The following RASA3 variants were observed in gnomAD, a reference collection of about 807,000 sequenced individuals.
RASA3 encodes RAS p21 protein activator 3, also known as ras GTPase-activating protein 3.
A neutral mutation model predicts 110.0 loss-of-function variants in RASA3; 73 were observed. The ratio of observed to expected loss-of-function variants is 0.66; its 90% confidence interval spans 0.55 to 0.81. The LOEUF (loss-of-function observed/expected upper bound fraction) is 0.81, where lower values mean the gene tolerates loss of function less well. Among genes scored for constraint, RASA3 ranks in the 30% least tolerant of loss-of-function variants. The pLI is 0.00. For synonymous variants in RASA3, 500 were observed against 451.4 expected (o/e 1.11, Z -1.37); for missense variants, 976 against 1,113.2 (o/e 0.88, Z 1.75).
rs1051075679 is a variant in RASA3, at chr13:114,089,288, G to A, written c.56-15451C>T. ...GAGACGAGGGGAGACGAGGGGAGACGAGCGGGGAGGAGGGGGGGAGGAGGG... is the reference window on the plus strand; with the variant it reads ...GAGACGAGGGGAGACGAGGGGAGACAAGCGGGGAGGAGGGGGGGAGGAGGG... On this transcript the variant is annotated intron_variant, in intron 1 of 23. Coordinates refer to ENST00000334062, the MANE Select transcript of RASA3 (RefSeq NM_007368.4). 4.7e-4 allele frequency among the ~76,000 whole-genome samples: 69 copies of A among 146,276 alleles called. 1 individual carries two copies. Among genetic ancestry groups the A allele is most frequent in the East Asian group, 1.0e-3 (5 of 4,930 alleles).
At chr13:114,026,777 C>A (rs989737840) in intron 7 of RASA3, among the ~76,000 whole-genome samples, 8 of 152,348 alleles carry the variant, frequency 5.3e-5, no homozygotes, top group Non-Finnish European at 1.2e-4. Context: ...AAAGGCCCTG[C>A]ACACAGCTGT....
At position 114,000,813 on chromosome 13, in the gene RASA3, C is replaced by T. The variant is rs372994416; in HGVS notation, c.1849+13G>A. 6.3e-7 allele frequency: 1 copy of T among 1,580,760 alleles called. No individual in the cohort carries two copies. The highest frequency in any genetic ancestry group is 8.7e-7 in the Non-Finnish European group (1 of 1,149,844). ...CTCCAGCAAGAGCCAGGGAAAGCGA[C>T]CTTGCTCCTTACCTTTGCTTTTGTG... is the stretch of plus-strand genomic sequence containing the variant. On this transcript the variant is annotated intron_variant, in intron 19 of 23. Transcript: ENST00000334062.
Position 114,014,606 on chromosome 13 carries a change from T to C in RASA3, c.1405+603A>G, listed in dbSNP as rs939395709. Among the ~76,000 whole-genome samples, 6 of 151,940 alleles carry C rather than the reference T, an allele frequency of 3.9e-5. No homozygotes were observed. The highest frequency in any genetic ancestry group is 1.5e-5 in the Non-Finnish European group (1 of 67,958). ...TTGAGTATCGCAGGTGATGGGTGGG[T>C]GCAGGCACCCAGCTCCTCCCTGAGG... On this transcript the variant is annotated intron_variant, in intron 14 of 23. Transcript: ENST00000334062. The surrounding 1 kb of genome is among the most constrained non-coding windows in gnomAD (Gnocchi z 4.5).
rs537938708 is a variant in RASA3, at chr13:114,048,934, G to A, written c.277+3118C>T. Among the ~76,000 whole-genome samples the A allele has an allele frequency of 1.1e-3, 163 of 152,112 alleles. No individual in the cohort carries two copies. Among genetic ancestry groups the A allele is most frequent in the Non-Finnish European group, 1.9e-3 (131 of 67,980 alleles). ...CCCAAGTCTCACTTGCCGGGGCGCC[G>A]TATCCCGGCACGGCTTCAGCTGCCT... On this transcript the variant is annotated intron_variant, in intron 3 of 23. Transcript: ENST00000334062. The surrounding 1 kb of genome is among the most constrained non-coding windows in gnomAD (Gnocchi z 4.3).
chr13:114,131,325 C>T (rs1398701348), intron 1 of RASA3, among the ~76,000 whole-genome samples: 1 of 152,144 alleles, frequency 6.6e-6, no homozygotes, highest in Non-Finnish European at 1.5e-5. Context: ...GTGGGGACCG[C>T]GACACTGCAG....
In RASA3 at chr13:114,022,780, A is replaced by C. The variant is rs367750265; in HGVS notation, c.681-1272T>G. On this transcript the variant is annotated intron_variant, in intron 8 of 23. Transcript: ENST00000334062. ...AAACATGTTTTGTGTGCTTTTAAAA[A>C]ATTTAATAACTAGGACTTCACTCCT... is the stretch of plus-strand genomic sequence containing the variant. 1.1e-4 allele frequency among the ~76,000 whole-genome samples: 17 copies of C among 152,348 alleles called. No homozygotes were observed. The East Asian group carries it at 3.1e-3, about 28-fold the overall frequency.
chr13:113,980,173 G>A (rs1199552826), intron 23 of RASA3, among the ~76,000 whole-genome samples: 12 of 144,434 alleles, frequency 8.3e-5, no homozygotes, highest in African/African-American at 2.6e-4. Context: ...TCCCACGTGT[G>A]TGCACCTCCT....
At chr13:114,066,114 GC>G (rs1484256654) in intron 2 of RASA3, among the ~76,000 whole-genome samples, 4 of 142,304 alleles carry the variant, frequency 2.8e-5, no homozygotes, top group Non-Finnish European at 6.0e-5. Flanking sequence ...GGACACTGTG[GC>G]CTCGGCTCCC....
chr13:114,129,877 A>G (rs2139808757), intron 1 of RASA3, among the ~76,000 whole-genome samples: 1 of 152,380 alleles, frequency 6.6e-6, no homozygotes, highest in East Asian at 1.9e-4. Flanking sequence ...CTCAGAGGTG[A>G]ATGACAGCGA....
chr13:114,022,460 C>T (rs1457340246), intron 8 of RASA3, among the ~76,000 whole-genome samples: 5 of 152,232 alleles, frequency 3.3e-5, no homozygotes, highest in Admixed American at 3.3e-4. Context: ...CCAGCCCTAC[C>T]CAGGGGGCTA....
At chr13:114,113,191 G>A (rs910968112) in intron 1 of RASA3, among the ~76,000 whole-genome samples, 1 of 152,316 alleles carries the variant, frequency 6.6e-6, no homozygotes, top group African/African-American at 2.4e-5. Context: ...CTGAATGTAA[G>A]TTTGTCTGCT....
At chr13:114,037,102 T>A (rs990844823) in intron 4 of RASA3, among the ~76,000 whole-genome samples, 1 of 152,212 alleles carries the variant, frequency 6.6e-6, no homozygotes, top group Non-Finnish European at 1.5e-5. Context: ...TGGAGGACGC[T>A]GGGCTTGGCC....
chr13:114,021,578 C>G (rs1441767748), intron 8 of RASA3, 70 bp from the exon 9 acceptor site: 2 of 1,259,134 alleles, frequency 1.6e-6, no homozygotes, highest in Non-Finnish European at 2.3e-6. Context: ...TGACAGGCCA[C>G]GCTTTGTTCC....
chr13:114,017,408 G>C (rs2053818655), intron 11 of RASA3, 57 bp from the exon 12 acceptor site: 4 of 1,423,100 alleles, frequency 2.8e-6, no homozygotes, highest in Non-Finnish European at 3.9e-6. Flanking sequence ...AGTGCAGACG[G>C]AGCAGAGCCT....
rs373446750 is a variant in RASA3 at position 114,023,379 on chromosome 13, C to T, written c.680+900G>A. The stretch of plus-strand genomic sequence containing the variant: ...CATCCTAGGCTCGGGGTCTCAGGGC[C>T]GGCTGGGGAGGGTCAGGAGGGAGCC... On this transcript the variant is annotated intron_variant, in intron 8 of 23. Transcript: ENST00000334062. 4.6e-5 allele frequency among the ~76,000 whole-genome samples: 7 copies of T among 152,168 alleles called. 1 individual carries two copies. In the East Asian group the frequency reaches 5.8e-4, roughly 13 times the overall value.
At chr13:114,021,372 T>G in intron 9 of RASA3, 32 bp downstream of exon 9, 1 of 1,589,246 alleles carries the variant, frequency 6.3e-7, no homozygotes, top group Non-Finnish European at 8.6e-7. Flanking sequence ...CTCTCAGAGA[T>G]GCGGAAGTCT....
In RASA3 at chr13:114,056,972, G is replaced by GC. The variant is rs1204019530; in HGVS notation, c.174-4818dup. Among the ~76,000 whole-genome samples, 10 of 151,966 alleles carry GC rather than the reference G, an allele frequency of 6.6e-5. No individual in the cohort carries two copies. The highest frequency in any genetic ancestry group is 1.9e-4 in the East Asian group (1 of 5,156). On this transcript the variant is annotated intron_variant, in intron 2 of 23. Coordinates refer to ENST00000334062, the MANE Select transcript of RASA3 (RefSeq NM_007368.4). This position sits in a 1 kb window ranked among gnomAD's most constrained non-coding sequence, Gnocchi z 5.7. ...GCGCTTTGGGGCCCTCTGTCAGGCT[G>GC]CCCCCCCTGCTAAGAGGAGCTGTTG...
intron 20 of RASA3, among the ~76,000 whole-genome samples, chr13:113,999,250 G>C (rs144179484): frequency 3.9e-4 from 59 of 152,252 alleles, no homozygotes; most frequent in Middle Eastern, 6.8e-3. Context: ...AATTCCAGAC[G>C]GTCCCAAGCC....
intron 18 of RASA3, among the ~76,000 whole-genome samples, chr13:114,002,115 CCAGACAGAGTGACTGGAGGA>C (rs1172188253): frequency 2.0e-5 from 3 of 152,172 alleles, no homozygotes; most frequent in Admixed American, 2.0e-4. Flanking sequence ...AAGAAAGTGG[CCAGACAGAGTGACTGGAGGA>C]CAGAGGTGGA....
Sources: allele counts gnomAD v4.1 joint callset (sites outside exome capture counted in the v4.1 genomes callset), GRCh38; gene constraint gnomAD v4.1.1; non-coding constraint Gnocchi (gnomAD v3.1); transcripts MANE v1.5; gene names NCBI Gene and HGNC (gene_info 2026-07-23, HGNC 2026-07-21).